NDUFAF6: variants seen among roughly 807,000 people sequenced by gnomAD.
NDUFAF6 encodes the protein NADH dehydrogenase (ubiquinone) complex I, assembly factor 6.
Under a neutral mutation model 40.8 loss-of-function variants are expected in NDUFAF6, and 45 were observed. That is an observed-to-expected ratio of 1.10 (90% CI 0.87 to 1.42). NDUFAF6 has a LOEUF of 1.42. Among genes scored for constraint, NDUFAF6 ranks in the 40% most tolerant of loss-of-function variants. NDUFAF6 has a pLI of 0.00. For missense variants in NDUFAF6, 435 were observed against 418.5 expected, an observed-to-expected ratio of 1.04 and a Z score of -0.34; for synonymous variants, 185 against 155.9, an observed-to-expected ratio of 1.19 and a Z score of -1.39.
chr8:95,106,931 G>T (rs957710958), downstream of NDUFAF6, among the ~76,000 whole-genome samples: 1 of 152,194 alleles, frequency 6.6e-6, no homozygotes, highest in African/African-American at 2.4e-5. Flanking sequence ...AAACCACAAT[G>T]AGATACCATC....
chr8:95,088,586 T>C (rs1454647453), intron 2 of NDUFAF6, among the ~76,000 whole-genome samples: 1 of 152,060 alleles, frequency 6.6e-6, no homozygotes, highest in Non-Finnish European at 1.5e-5. Context: ...CTTTTTGACA[T>C]GTACACTGGA....
In NDUFAF6 at chr8:94,985,840, C is replaced by T. The variant is rs143877249; in HGVS notation, c.-84+4867C>T. 3.0e-3 allele frequency among the ~76,000 whole-genome samples: 447 copies of T among 149,664 alleles called. 1 individual carries two copies. Among genetic ancestry groups the T allele is most frequent in the African/African-American group, 9.9e-3 (404 of 40,880 alleles). On this transcript the variant is annotated intron_variant, in intron 2 of 9. Transcript: ENST00000396111. ...TGAGCCTCCATGCCCTGCAACAATA[C>T]ATTTTTATACAATTTTGTACAATTT...
intron 1 of NDUFAF6, among the ~76,000 whole-genome samples, chr8:94,897,169 T>A (rs1223314227): frequency 1.3e-5 from 2 of 152,158 alleles, no homozygotes; most frequent in African/African-American, 4.8e-5. Flanking sequence ...TGAAAACCAG[T>A]ATGTCGAGTA....
upstream of NDUFAF6, among the ~76,000 whole-genome samples, chr8:94,955,541 A>G (rs573068144): frequency 3.3e-5 from 5 of 152,358 alleles, no homozygotes; most frequent in East Asian, 5.8e-4. Flanking sequence ...CGTTCAAACT[A>G]TAGTGCTTCT....
intron 1 of NDUFAF6, among the ~76,000 whole-genome samples, chr8:94,972,876 C>A (rs535867518): frequency 1.3e-5 from 2 of 151,830 alleles, no homozygotes; most frequent in Non-Finnish European, 2.9e-5. Flanking sequence ...GCAGCCTGGA[C>A]GACAGAGCAA....
intron 6 of NDUFAF6, among the ~76,000 whole-genome samples, chr8:95,048,045 T>G (rs965878992): frequency 6.6e-6 from 1 of 151,878 alleles, no homozygotes; most frequent in Non-Finnish European, 1.5e-5. Context: ...AATACAAAAA[T>G]TAGCTGGGTG....
At chr8:95,050,347 G>C (rs1831289896) in intron 7 of NDUFAF6, among the ~76,000 whole-genome samples, 1 of 152,202 alleles carries the variant, frequency 6.6e-6, no homozygotes, top group African/African-American at 2.4e-5. Context: ...TGGGAGATAG[G>C]TTTGGAATGG....
downstream of NDUFAF6, among the ~76,000 whole-genome samples, chr8:95,058,984 AG>A (rs1328226246): frequency 2.0e-5 from 3 of 152,214 alleles, no homozygotes; most frequent in East Asian, 5.8e-4. Context: ...GTGAGGCTGC[AG>A]TGAGGCATGA....
In NDUFAF6 at chr8:95,032,106, G is replaced by T. The variant is rs1436436882; in HGVS notation, c.297+12G>T. On this transcript the variant is annotated intron_variant, in intron 2 of 8. Transcript: ENST00000396124. ...TGGAACTGGCTCAGGCTGGTATTAA[G>T]ATACCTTAAAATATTATTTGCGAAA... 1.2e-6 allele frequency: 2 copies of T among 1,605,790 alleles called. No individual in the cohort carries two copies. The highest frequency in any genetic ancestry group is 8.5e-7 in the Non-Finnish European group (1 of 1,172,590).
intron 1 of NDUFAF6, chr8:94,930,606 C>T: frequency 6.2e-7 from 1 of 1,614,234 alleles, no homozygotes; most frequent in Non-Finnish European, 8.5e-7. Flanking sequence ...CTGTCTTTCA[C>T]TGTGTTCTTT....
chr8:94,968,083 A>T (rs902533158), intron 1 of NDUFAF6, among the ~76,000 whole-genome samples: 4 of 152,308 alleles, frequency 2.6e-5, no homozygotes, highest in Admixed American at 6.5e-5. Flanking sequence ...ATGTCAGCTC[A>T]TTGCAACGTG....
intron 3 of NDUFAF6, among the ~76,000 whole-genome samples, chr8:95,039,047 G>C (rs1330021167): frequency 6.6e-6 from 1 of 151,374 alleles, no homozygotes; most frequent in African/African-American, 2.4e-5. Context: ...CATTATCTCA[G>C]CTCACTGCAA....
At chr8:94,932,003 C>A in intron 1 of NDUFAF6, 1 of 1,468,304 alleles carries the variant, frequency 6.8e-7, no homozygotes, top group East Asian at 2.3e-5. Context: ...TTTAAAAGGT[C>A]AGCATTTGGG....
intron 2 of NDUFAF6, among the ~76,000 whole-genome samples, chr8:94,991,971 T>C (rs115814218): frequency 0.01 from 1,538 of 152,324 alleles, 28 homozygotes; most frequent in African/African-American, 0.035. Flanking sequence ...TGTATGTGAG[T>C]ATATCTAAAG....
intron 2 of NDUFAF6, among the ~76,000 whole-genome samples, chr8:95,102,509 A>C (rs1231354030): frequency 6.6e-6 from 1 of 152,204 alleles, no homozygotes; most frequent in Non-Finnish European, 1.5e-5. Flanking sequence ...CAAAGAGCAC[A>C]TGGCTGTGTC....
chr8:94,972,712 A>G (rs1824567225), intron 1 of NDUFAF6, among the ~76,000 whole-genome samples: 1 of 142,196 alleles, frequency 7.0e-6, no homozygotes, highest in Non-Finnish European at 1.5e-5. Flanking sequence ...GCAACGTAGC[A>G]AGACCCTGTC....
upstream of NDUFAF6, among the ~76,000 whole-genome samples, chr8:95,096,920 G>A (rs1283206361): frequency 3.3e-5 from 5 of 152,234 alleles, no homozygotes; most frequent in South Asian, 1.0e-3. Context: ...AATTGCCAAA[G>A]TGGAGGCAGA....
chr8:94,897,190 G>A (rs1420021092), intron 1 of NDUFAF6, among the ~76,000 whole-genome samples: 1 of 152,160 alleles, frequency 6.6e-6, no homozygotes, highest in African/African-American at 2.4e-5. Flanking sequence ...ACGTTTGTGG[G>A]AATCATCTTT....
At chr8:95,073,533 C>T (rs1304362550) in intron 9 of NDUFAF6, among the ~76,000 whole-genome samples, 1 of 152,200 alleles carries the variant, frequency 6.6e-6, no homozygotes, top group Admixed American at 6.5e-5. Flanking sequence ...CTCCTCCTCC[C>T]CCATTCCAGG....
Sources: gnomAD v4.1 joint callset for allele counts (sites outside exome capture counted in the v4.1 genomes callset) on GRCh38, gnomAD v4.1.1 for gene constraint, MANE v1.5 for transcripts, NCBI Gene and HGNC (gene_info 2026-07-23, HGNC 2026-07-21) for gene names.